The following PRR11 variants were observed in gnomAD, a reference collection of about 807,000 sequenced individuals.
PRR11 encodes the protein proline-rich protein 11.
PRR11 carries 30 observed loss-of-function variants against 45.6 expected under a neutral mutation model. That is an observed-to-expected ratio of 0.66 (90% CI 0.49 to 0.89). The LOEUF (loss-of-function observed/expected upper bound fraction) is 0.89, where lower values mean the gene tolerates loss of function less well. PRR11 is among the 40% of genes least tolerant of loss of function. The probability of loss-of-function intolerance (pLI) is 0.00; values close to 1 mark genes in which losing one functional copy is unlikely to be tolerated. For missense variants in PRR11, 373 were observed against 424.8 expected (o/e 0.88, Z 1.07); for synonymous variants, 128 against 153.5 (o/e 0.83, Z 1.23).
intron 2 of PRR11, among the ~76,000 whole-genome samples, chr17:59,184,526 C>T (rs1255162261): frequency 1.3e-5 from 2 of 152,114 alleles, no homozygotes; most frequent in African/African-American, 4.8e-5. Flanking sequence ...CTGTGGCTCT[C>T]CTAGGAGTCT....
At chr17:59,156,448 G>T (rs1046344486) in intron 1 of PRR11, among the ~76,000 whole-genome samples, 1 of 151,612 alleles carries the variant, frequency 6.6e-6, no homozygotes, top group South Asian at 2.1e-4. Flanking sequence ...AAAAAAGCAA[G>T]TACCCAGAAA....
At chr17:59,181,555 G>T in intron 2 of PRR11, 1 of 1,239,630 alleles carries the variant, frequency 8.1e-7, no homozygotes, top group Non-Finnish European at 1.1e-6. Context: ...GAGCACGAAT[G>T]ACACTAGCCG....
rs994165675 is a variant in PRR11, at chr17:59,179,769, C to G, written c.129-5285C>G. On this transcript the variant is annotated intron_variant, in intron 2 of 9. Transcript: ENST00000262293. ...ACCCAGGTCTCCTCAGGCTCAGGGG[C>G]GAGCTCCTTCTCTGGCTCCTCCTCC... The G allele has an allele frequency of 6.6e-5, 91 of 1,381,994 alleles. No homozygotes were observed. In the African/African-American group the frequency reaches 1.2e-3, roughly 18 times the overall value. 85.6% of individuals were successfully genotyped at this position (1,381,994 alleles called of 1,614,324 possible).
At chr17:59,170,586 T>TA (rs1026459402) in intron 2 of PRR11, among the ~76,000 whole-genome samples, 71 of 151,990 alleles carry the variant, frequency 4.7e-4, no homozygotes, top group Middle Eastern at 3.4e-3. Context: ...TTTTTCTTTT[T>TA]AAAAAAAATT....
Position 59,201,910 on chromosome 17 carries a change from G to A in PRR11, c.*279G>A, listed in dbSNP as rs1202643958. ...TGCTTGAACCCAAGAGGCAGAGGTT[G>A]CAGTGAGCCAAGATCGCGTCATTGC... On this transcript the variant is annotated 3_prime_UTR_variant, in exon 10 of 10. Transcript: ENST00000262293. 1.4e-5 allele frequency: 5 copies of A among 357,312 alleles called. No individual in the cohort carries two copies. The highest frequency in any genetic ancestry group is 1.0e-4 in the African/African-American group (5 of 48,820). The allele number at this position is 357,312 out of a possible 1,614,324, so 22.1% of individuals were successfully genotyped here.
At chr17:59,163,403 ATT>A (rs1387329615) in intron 1 of PRR11, among the ~76,000 whole-genome samples, 2 of 152,176 alleles carry the variant, frequency 1.3e-5, no homozygotes, top group African/African-American at 4.8e-5. Context: ...TACTTTAAAT[ATT>A]GTTTAACAGC....
At chr17:59,168,983 C>A (rs761434794) in intron 1 of PRR11, among the ~76,000 whole-genome samples, 27 of 151,828 alleles carry the variant, frequency 1.8e-4, no homozygotes, top group Non-Finnish European at 4.0e-4. Context: ...AGATACCTAA[C>A]AGTAAAGGGG....
intron 1 of PRR11, chr17:59,163,489 A>C (rs780980861): frequency 6.6e-6 from 1 of 152,100 alleles, no homozygotes; most frequent in Non-Finnish European, 1.5e-5. Context: ...TTATATGCTT[A>C]TTTTTTTAAG....
chr17:59,175,129 TG>T, intron 2 of PRR11: 1 of 559,094 alleles, frequency 1.8e-6, no homozygotes, highest in Non-Finnish European at 3.2e-6. Context: ...GCCAGGTAGC[TG>T]GGGACAGAAA....
rs1278445324 is a variant in PRR11, at chr17:59,204,917, A to G, written c.*3286A>G. ...GTGATGTGTGCCTGTAGTCCCAGCT[A>G]CTCAGGAGACTGAGGTGGGAGAATC... On this transcript the variant is annotated 3_prime_UTR_variant, in exon 10 of 10. Coordinates refer to ENST00000262293, the MANE Select transcript of PRR11 (RefSeq NM_018304.4). Among the ~76,000 whole-genome samples the G allele has an allele frequency of 6.6e-6, 1 of 152,058 alleles. No homozygotes were observed. The highest frequency in any genetic ancestry group is 1.9e-4 in the East Asian group (1 of 5,186).
At chr17:59,172,344 C>T (rs1221879978) in intron 2 of PRR11, among the ~76,000 whole-genome samples, 3 of 152,202 alleles carry the variant, frequency 2.0e-5, no homozygotes, top group African/African-American at 7.2e-5. Context: ...TCTATGGATT[C>T]CTAGAAGTGA....
At chr17:59,186,237 C>G (rs7219883) in intron 4 of PRR11, among the ~76,000 whole-genome samples, 60,117 of 151,142 alleles carry the variant, frequency 0.4, 12,678 homozygotes, top group African/African-American at 0.55. Flanking sequence ...GTAGCTGGGA[C>G]TACAGGCTTG....
chr17:59,180,502 T>A (rs919080178), intron 2 of PRR11, among the ~76,000 whole-genome samples: 17 of 95,026 alleles, frequency 1.8e-4, no homozygotes, highest in South Asian at 3.7e-4. Flanking sequence ...CCTTGTTTTT[T>A]TTTTTTTGTT....
chr17:59,176,682 G>T (rs868053654), intron 2 of PRR11, among the ~76,000 whole-genome samples: 2 of 107,602 alleles, frequency 1.9e-5, no homozygotes, highest in South Asian at 2.9e-4. Flanking sequence ...TGGTTTTTTT[G>T]GCTTTTTTTT....
rs1034404119 is a variant in PRR11, at chr17:59,206,490, T to C, written c.*4859T>C. 1.3e-5 allele frequency among the ~76,000 whole-genome samples: 2 copies of C among 152,170 alleles called. No homozygotes were observed. Among genetic ancestry groups the C allele is most frequent in the Non-Finnish European group, 2.9e-5 (2 of 68,036 alleles). On this transcript the variant is annotated 3_prime_UTR_variant, in exon 10 of 10. Coordinates refer to ENST00000262293, the MANE Select transcript of PRR11 (RefSeq NM_018304.4). ...CTGCCATTGTACCAGTGTTAAAATG[T>C]GTTCTACCTTGCATCTTTTACTGAT...
intron 2 of PRR11, among the ~76,000 whole-genome samples, chr17:59,170,729 T>C (rs2046703631): frequency 6.6e-6 from 1 of 152,144 alleles, no homozygotes; most frequent in Non-Finnish European, 1.5e-5. Flanking sequence ...CATGTTTTTT[T>C]CTACATAAAA....
At position 59,194,783 on chromosome 17, in the gene PRR11, C is replaced by T. The variant is rs148376550; in HGVS notation, c.672C>T (p.Pro224=). ...CTGGACCATTAAAAAAAGATGGACC[C>T]ATGCAGATAACAGTTAAAGATCTGC... is the stretch of plus-strand genomic sequence containing the variant. ...LQAGPLKKDG[P]MQITVKDLLT... is the part of the protein sequence containing the mutation. The change falls in exon 6 of 10, where the codon CCC becomes CCT. Residue 224 remains proline, a synonymous_variant. Transcript: ENST00000262293. The T allele has an allele frequency of 1.2e-6, 2 of 1,613,384 alleles. No homozygotes were observed. The highest frequency in any genetic ancestry group is 2.7e-5 in the African/African-American group (2 of 74,854).
At chr17:59,157,282 G>A (rs2046630251) in intron 1 of PRR11, among the ~76,000 whole-genome samples, 1 of 152,146 alleles carries the variant, frequency 6.6e-6, no homozygotes, top group African/African-American at 2.4e-5. Context: ...CCCTTGAAAA[G>A]CTCACAGTCC....
chr17:59,175,002 G>A, intron 2 of PRR11: 1 of 724,450 alleles, frequency 1.4e-6, no homozygotes. Flanking sequence ...CCAGCGCATG[G>A]AACGGAAGAA....
Sources: allele counts gnomAD v4.1 joint callset (sites outside exome capture counted in the v4.1 genomes callset), GRCh38; gene constraint gnomAD v4.1.1; transcripts MANE v1.5; gene names NCBI Gene and HGNC (gene_info 2026-07-23, HGNC 2026-07-21).